SAMD4A: variants seen among roughly 807,000 people sequenced by gnomAD.
SAMD4A encodes the protein protein Smaug homolog 1.
SAMD4A carries 33 observed loss-of-function variants against 81.3 expected under a neutral mutation model. That is an observed-to-expected ratio of 0.41 (90% CI 0.31 to 0.54). The LOEUF (loss-of-function observed/expected upper bound fraction) is 0.54. Among genes scored for constraint, SAMD4A ranks in the 20% least tolerant of loss-of-function variants. SAMD4A has a pLI of 0.37. For synonymous variants in SAMD4A, 389 were observed against 382.1 expected (o/e 1.02, Z -0.21); for missense variants, 854 against 951.1 (o/e 0.90, Z 1.34).
chr14:54,664,221 C>T (rs2035707111), intron 2 of SAMD4A, among the ~76,000 whole-genome samples: 1 of 152,034 alleles, frequency 6.6e-6, no homozygotes, highest in African/African-American at 2.4e-5. Flanking sequence ...AAAATCATAG[C>T]AAATTTCCTG....
chr14:54,789,756 G>A lies in SAMD4A; in HGVS notation c.*812G>A, dbSNP rs1201402495. On this transcript the variant is annotated 3_prime_UTR_variant, in exon 13 of 13. Transcript: ENST00000554335. ...AAGATGGATGCAGTCATGTAGGCCT[G>A]AGCTGTCCGTCTTTCACCGTTAGGT... 3 of 152,296 alleles carry A rather than the reference G, an allele frequency of 2.0e-5. No homozygotes were observed. The highest frequency in any genetic ancestry group is 4.4e-5 in the Non-Finnish European group (3 of 68,092). The allele number at this position is 152,296 out of a possible 1,614,324, so 9.4% of individuals were successfully genotyped here.
At chr14:54,684,149 T>A (rs778887613) in intron 2 of SAMD4A, among the ~76,000 whole-genome samples, 1 of 152,216 alleles carries the variant, frequency 6.6e-6, no homozygotes, top group African/African-American at 2.4e-5. Context: ...AATTAATTTT[T>A]TTCAAGGGTG....
At chr14:54,712,247 TGCCTTTTACCAGCA>T (rs894942150) in intron 3 of SAMD4A, among the ~76,000 whole-genome samples, 9 of 151,238 alleles carry the variant, frequency 6.0e-5, no homozygotes, top group Admixed American at 4.6e-4. Flanking sequence ...GGAATTATTT[TGCCTTTTACCAGCA>T]GACTTTCTTT....
chr14:54,716,044 T>C (rs2037109328), intron 3 of SAMD4A, among the ~76,000 whole-genome samples: 1 of 152,208 alleles, frequency 6.6e-6, no homozygotes, highest in Non-Finnish European at 1.5e-5. Flanking sequence ...GATTGTGGTT[T>C]CATCAAGACA....
intron 2 of SAMD4A, among the ~76,000 whole-genome samples, chr14:54,610,386 A>G (rs1594730737): frequency 2.0e-5 from 3 of 152,320 alleles, no homozygotes; most frequent in Admixed American, 2.0e-4. Context: ...CAGAGTGCCC[A>G]TTATAGTCGT....
chr14:54,722,172 C>G (rs1175119785), intron 3 of SAMD4A, among the ~76,000 whole-genome samples: 3 of 152,134 alleles, frequency 2.0e-5, no homozygotes, highest in Non-Finnish European at 4.4e-5. Context: ...TACTTCACAT[C>G]AATGGTGGCA....
chr14:54,649,610 A>G (rs28539349), intron 2 of SAMD4A, among the ~76,000 whole-genome samples: 21 of 152,288 alleles, frequency 1.4e-4, no homozygotes, highest in Admixed American at 6.5e-4. Flanking sequence ...TCGCAAGTCA[A>G]TTGGTGCCTG....
intron 3 of SAMD4A, among the ~76,000 whole-genome samples, chr14:54,724,019 A>AGGAAGGAAGGAAGGAAGGAT (rs1566604831): frequency 1.4e-5 from 2 of 145,766 alleles, no homozygotes; most frequent in African/African-American, 2.5e-5. Flanking sequence ...GAAGGAAGGA[A>AGGAAGGAAGGAAGGAAGGAT]GGAAGGAAGG....
rs749136366 is a variant in SAMD4A at position 54,634,703 on chromosome 14, CTCTATCTA to C, written c.196+66603_196+66610del. Among the ~76,000 whole-genome samples, 510 of 147,560 alleles carry C rather than the reference CTCTATCTA, an allele frequency of 3.5e-3. 7 individuals are homozygous for C. The highest frequency in any genetic ancestry group is 0.011 in the African/African-American group (454 of 39,560). The stretch of plus-strand genomic sequence containing the variant: ...GTCTGTGTCCCAGGGGTTGGGGACC[CTCTATCTA>C]TCTATCTATCTGTCTGTCTGTCTGT... On this transcript the variant is annotated intron_variant, in intron 2 of 12. Transcript: ENST00000554335.
chr14:54,721,605 G>A (rs949479498), intron 3 of SAMD4A, among the ~76,000 whole-genome samples: 2 of 152,174 alleles, frequency 1.3e-5, no homozygotes, highest in Non-Finnish European at 2.9e-5. Context: ...AATGAGGGCT[G>A]CATTTGGAAG....
chr14:54,636,746 A>C (rs1038387056), intron 2 of SAMD4A, among the ~76,000 whole-genome samples: 1 of 152,160 alleles, frequency 6.6e-6, no homozygotes, highest in Non-Finnish European at 1.5e-5. Context: ...GAATTATCCT[A>C]AGCTTTTTGA....
intron 2 of SAMD4A, among the ~76,000 whole-genome samples, chr14:54,679,001 G>A (rs914646596): frequency 2.0e-5 from 3 of 152,206 alleles, no homozygotes; most frequent in African/African-American, 4.8e-5. Flanking sequence ...AAATAGCCAA[G>A]AGATAGCAGG....
chr14:54,746,277 A>G (rs745481405), intron 4 of SAMD4A, among the ~76,000 whole-genome samples: 1 of 152,332 alleles, frequency 6.6e-6, no homozygotes, highest in Admixed American at 6.5e-5. Flanking sequence ...CTTTGAGCAC[A>G]TGGCACTGAG....
chr14:54,647,970 C>G (rs1342856095), intron 2 of SAMD4A, among the ~76,000 whole-genome samples: 1 of 152,264 alleles, frequency 6.6e-6, no homozygotes, highest in Admixed American at 6.5e-5. Context: ...GAATGCCCTA[C>G]AGCTGCACTG....
In SAMD4A at chr14:54,771,356, A is replaced by G. The variant is rs566798585; in HGVS notation, c.1715+1134A>G. On this transcript the variant is annotated intron_variant, in intron 9 of 12. Transcript: ENST00000554335. ...CTGCTGTTGTTAACCCCATTTACAG[A>G]CAAGTTCATAGGCAGCAGCATTGGG... Among the ~76,000 whole-genome samples the G allele has an allele frequency of 5.3e-5, 8 of 152,322 alleles. No individual in the cohort carries two copies. The East Asian group carries it at 1.5e-3, about 29-fold the overall frequency.
At chr14:54,784,428 C>T in intron 11 of SAMD4A, 109 bp from the exon 12 acceptor site, 1 of 1,610,528 alleles carries the variant, frequency 6.2e-7, no homozygotes, top group Non-Finnish European at 8.5e-7. Context: ...CGCTGACAGT[C>T]CCCAAGTCCT....
chr14:54,753,202 C>G (rs902204455), intron 6 of SAMD4A, among the ~76,000 whole-genome samples: 1 of 152,246 alleles, frequency 6.6e-6, no homozygotes, highest in Non-Finnish European at 1.5e-5. Context: ...ACGGTCAGGT[C>G]TTTCTCATCC....
intron 2 of SAMD4A, among the ~76,000 whole-genome samples, chr14:54,584,418 G>A (rs1360930531): frequency 6.6e-6 from 1 of 152,146 alleles, no homozygotes; most frequent in African/African-American, 2.4e-5. Flanking sequence ...AGGAGTTGCT[G>A]TTCTACTAGG....
At chr14:54,585,692 T>C (rs2033596575) in intron 2 of SAMD4A, among the ~76,000 whole-genome samples, 1 of 152,190 alleles carries the variant, frequency 6.6e-6, no homozygotes, top group Non-Finnish European at 1.5e-5. Flanking sequence ...ACATAGGATG[T>C]TTGGTTTTCC....
Sources: gnomAD v4.1 joint callset for allele counts (sites outside exome capture counted in the v4.1 genomes callset) on GRCh38, gnomAD v4.1.1 for gene constraint, MANE v1.5 for transcripts, NCBI Gene and HGNC (gene_info 2026-07-23, HGNC 2026-07-21) for gene names.